NCAM2: variants seen among roughly 807,000 people sequenced by gnomAD.
NCAM2 encodes the protein neural cell adhesion molecule 2, also known as N-CAM-2.
A neutral mutation model predicts 98.1 loss-of-function variants in NCAM2; 30 were observed. The ratio of observed to expected loss-of-function variants is 0.31; its 90% CI spans 0.23 to 0.41. The LOEUF (loss-of-function observed/expected upper bound fraction) is 0.41, where lower values mean the gene tolerates loss of function less well. NCAM2 is among the 10% of genes least tolerant of loss of function. The pLI, the probability that NCAM2 is intolerant of heterozygous loss-of-function variation, is 1.00. For synonymous variants in NCAM2, 368 were observed against 342.4 expected, an observed-to-expected ratio of 1.07 and a Z score of -0.83; for missense variants, 867 against 1,005.8, an observed-to-expected ratio of 0.86 and a Z score of 1.87.
At chr21:21,084,043 G>A (rs13052242) in intron 1 of NCAM2, among the ~76,000 whole-genome samples, 5,070 of 152,226 alleles carry the variant, frequency 0.033, 120 homozygotes, top group Non-Finnish European at 0.051. Flanking sequence ...CTGGAGGCTG[G>A]GAAGACCTAG....
intron 1 of NCAM2, among the ~76,000 whole-genome samples, chr21:21,172,723 T>G (rs2068163820): frequency 6.6e-6 from 1 of 152,150 alleles, no homozygotes; most frequent in African/African-American, 2.4e-5. Context: ...ACTTTAGTCA[T>G]TGAATATATG....
At chr21:21,160,095 T>C (rs2067735609) in intron 1 of NCAM2, among the ~76,000 whole-genome samples, 1 of 152,048 alleles carries the variant, frequency 6.6e-6, no homozygotes, top group Admixed American at 6.6e-5. Context: ...CATTTCTCAA[T>C]AACAAGTCTT....
At chr21:21,290,906 G>T (rs1002073973) in intron 4 of NCAM2, among the ~76,000 whole-genome samples, 1 of 151,860 alleles carries the variant, frequency 6.6e-6, no homozygotes, top group East Asian at 1.9e-4. Flanking sequence ...GGCAGCAGAG[G>T]TATAGGCAGG....
Position 21,361,555 on chromosome 21 carries a change from A to G in NCAM2, c.1045-12308A>G, listed in dbSNP as rs535968356. Among the ~76,000 whole-genome samples, 7 of 151,814 alleles carry G rather than the reference A, an allele frequency of 4.6e-5. No homozygotes were observed. The East Asian group carries it at 9.7e-4, about 21-fold the overall frequency. ...AAATAATTGGGCACCCTAGTCTGCC[A>G]TTTTTTCTTGGATTTCTCTAATGAT... is the stretch of plus-strand genomic sequence containing the variant. On this transcript the variant is annotated intron_variant, in intron 8 of 17. Transcript: ENST00000400546.
At position 21,410,472 on chromosome 21, in the gene NCAM2, ATG is replaced by A. The variant is rs746810246; in HGVS notation, c.1383+13_1383+14del. 13 of 1,440,332 alleles carry A rather than the reference ATG, an allele frequency of 9.0e-6. No homozygotes were observed. The highest frequency in any genetic ancestry group is 3.7e-6 in the Non-Finnish European group (4 of 1,071,412). 89.2% of individuals were successfully genotyped at this position (1,440,332 alleles called of 1,614,324 possible). A position where few individuals can be genotyped will look rare whatever the true frequency, so the allele number is the denominator to read the frequency against. On this transcript the variant is annotated intron_variant, in intron 10 of 17. Coordinates refer to ENST00000400546, the MANE Select transcript of NCAM2 (RefSeq NM_004540.5). ...AAGATGATATTAGAGGTAAGTCCAC[ATG>A]TATACATCAATAAATTGTATTATTT... is the stretch of plus-strand genomic sequence containing the variant.
intron 1 of NCAM2, among the ~76,000 whole-genome samples, chr21:21,165,100 T>C (rs1386360854): frequency 6.6e-6 from 1 of 152,154 alleles, no homozygotes; most frequent in African/African-American, 2.4e-5. Flanking sequence ...GCCTGTGGTA[T>C]TTATGGATAC....
At chr21:21,483,843 G>C (rs1303345825) in intron 15 of NCAM2, among the ~76,000 whole-genome samples, 12 of 152,034 alleles carry the variant, frequency 7.9e-5, no homozygotes, top group Non-Finnish European at 2.9e-5. Context: ...TCTGGAGTTT[G>C]CTTATGGCCA....
At chr21:21,198,004 GTTAATA>G (rs1274101847) in intron 1 of NCAM2, among the ~76,000 whole-genome samples, 1 of 152,074 alleles carries the variant, frequency 6.6e-6, no homozygotes, top group Non-Finnish European at 1.5e-5. Context: ...GCCAAATTAT[GTTAATA>G]TTAAAACTTC....
chr21:21,487,431 C>A (rs1215573376), intron 15 of NCAM2, among the ~76,000 whole-genome samples: 1 of 151,906 alleles, frequency 6.6e-6, no homozygotes, highest in East Asian at 1.9e-4. Flanking sequence ...AAAATTCTGT[C>A]TCTGAAGATG....
chr21:21,492,907 T>A (rs4818620), intron 15 of NCAM2, among the ~76,000 whole-genome samples: 60,379 of 151,714 alleles, frequency 0.4, 13,108 homozygotes, highest in Middle Eastern at 0.52. Context: ...AATCCATGAA[T>A]AACACACCTA....
chr21:21,501,758 A>G (rs1358595063), intron 15 of NCAM2, among the ~76,000 whole-genome samples: 1 of 151,956 alleles, frequency 6.6e-6, no homozygotes, highest in Non-Finnish European at 1.5e-5. Context: ...CCAGAAATGC[A>G]ATCAAAACAA....
intron 1 of NCAM2, among the ~76,000 whole-genome samples, chr21:21,274,073 G>C (rs1601836497): frequency 6.6e-6 from 1 of 151,986 alleles, no homozygotes; most frequent in East Asian, 1.9e-4. Flanking sequence ...GCTTGAGGCA[G>C]GAGAATCACT....
chr21:21,386,305 C>A (rs913177433), intron 9 of NCAM2, among the ~76,000 whole-genome samples: 1 of 152,096 alleles, frequency 6.6e-6, no homozygotes, highest in Admixed American at 6.6e-5. Context: ...TAGAAAAATT[C>A]CTTGGTCATA....
In NCAM2 at chr21:21,020,279, G is replaced by A. The variant is rs1227465411; in HGVS notation, c.55+21661G>A. Among the ~76,000 whole-genome samples, 7 of 152,068 alleles carry A rather than the reference G, an allele frequency of 4.6e-5. No homozygotes were observed. In the South Asian group the frequency reaches 6.2e-4, roughly 14 times the overall value. ...TCAAACTCCTGACCTCAGGTAATCC[G>A]CCCGCCTCGGCCTCCCAAAGAGCTG... On this transcript the variant is annotated intron_variant, in intron 1 of 17. Coordinates refer to ENST00000400546, the MANE Select transcript of NCAM2 (RefSeq NM_004540.5).
At position 21,324,370 on chromosome 21, in the gene NCAM2, A is replaced by G; in HGVS notation, c.620-13A>G. The G allele has an allele frequency of 6.3e-7, 1 of 1,597,608 alleles. No homozygotes were observed. Among genetic ancestry groups the G allele is most frequent in the South Asian group, 1.1e-5 (1 of 90,600 alleles). ...TTTCGTCTCTATTTATTCTGTATTC[A>G]TCTCTCCTTCAGTGCCGCCAGCAAT... On this transcript the variant is annotated splice_polypyrimidine_tract_variant and intron_variant, in intron 5 of 17. Coordinates refer to ENST00000400546, the MANE Select transcript of NCAM2 (RefSeq NM_004540.5).
At chr21:21,440,132 A>G (rs1381858001) in intron 12 of NCAM2, among the ~76,000 whole-genome samples, 1 of 152,200 alleles carries the variant, frequency 6.6e-6, no homozygotes, top group Non-Finnish European at 1.5e-5. Context: ...ACATATTTCT[A>G]ACAGCTTGAC....
intron 1 of NCAM2, among the ~76,000 whole-genome samples, chr21:21,165,107 A>T (rs2067908841): frequency 6.6e-6 from 1 of 152,164 alleles, no homozygotes; most frequent in Non-Finnish European, 1.5e-5. Flanking sequence ...GTATTTATGG[A>T]TACTGTTCAT....
At chr21:21,279,243 T>C (rs1383351803) in intron 1 of NCAM2, among the ~76,000 whole-genome samples, 1 of 152,200 alleles carries the variant, frequency 6.6e-6, no homozygotes, top group East Asian at 1.9e-4. Flanking sequence ...ATTTTCCCCC[T>C]TCCCAGCTTG....
chr21:21,318,404 T>C (rs989203317), intron 5 of NCAM2, among the ~76,000 whole-genome samples: 3 of 152,200 alleles, frequency 2.0e-5, no homozygotes, highest in Non-Finnish European at 2.9e-5. Context: ...ATGTTTTACC[T>C]CCTTTCAACT....
Sources: gnomAD v4.1 joint callset for allele counts (sites outside exome capture counted in the v4.1 genomes callset) on GRCh38, gnomAD v4.1.1 for gene constraint, MANE v1.5 for transcripts, NCBI Gene and HGNC (gene_info 2026-07-23, HGNC 2026-07-21) for gene names.